ADAR: variants seen among roughly 807,000 people sequenced by gnomAD.
The protein encoded by ADAR is adenosine deaminase RNA specific, also known as double-stranded RNA-specific adenosine deaminase.
Under a neutral mutation model 113.2 loss-of-function variants are expected in ADAR, and 41 were observed. The observed-to-expected ratio is 0.36, with a 90% CI of 0.28 to 0.47. The LOEUF (loss-of-function observed/expected upper bound fraction) is 0.47, where lower values mean the gene tolerates loss of function less well. Ranked by LOEUF, ADAR falls within the 20% of genes least tolerant of loss-of-function variation. The pLI, the probability that ADAR is intolerant of heterozygous loss-of-function variation, is 1.00. For synonymous variants in ADAR, 605 were observed against 572.6 expected (o/e 1.06, Z -0.81); for missense variants, 1,242 against 1,540.9 (o/e 0.81, Z 3.25).
At chr1:154,597,027 TA>T in intron 5 of ADAR, 32 bp from the exon 6 acceptor site, 1 of 1,614,108 alleles carries the variant, frequency 6.2e-7, no homozygotes. Context: ...AGAGGAGCCA[TA>T]AACACTTCAG....
chr1:154,585,022 C>T lies in ADAR; in HGVS notation c.3465G>A (p.Arg1155=), dbSNP rs1696654651. The T allele has an allele frequency of 1.2e-6, 2 of 1,613,756 alleles. No individual in the cohort carries two copies. The highest frequency in any genetic ancestry group is 2.2e-5 in the East Asian group (1 of 44,890). Residue 1155 remains arginine, a synonymous_variant, in exon 15 of 15, where the codon CGG becomes CGA. Coordinates refer to ENST00000368474, the MANE Select transcript of ADAR (RefSeq NM_001111.5). ...GAAGAAAAATGTTCTTTTTGGAGACCCGGGACAATTCATTCCGTGGCCTAG... is the reference window on the plus strand; with the variant it reads ...GAAGAAAAATGTTCTTTTTGGAGACTCGGGACAATTCATTCCGTGGCCTAG... ...TVDGPRNELS[R]VSKKNIFLLF... is the part of the protein sequence containing the mutation.
In ADAR at chr1:154,584,638, G is replaced by A; in HGVS notation, c.*168C>T. 2.9e-6 allele frequency: 2 copies of A among 679,436 alleles called. No individual in the cohort carries two copies. Among genetic ancestry groups the A allele is most frequent in the Non-Finnish European group, 5.1e-6 (2 of 391,334 alleles). 42.1% of individuals were successfully genotyped at this position (679,436 alleles called of 1,614,324 possible). Reference sequence around the variant, plus strand: ...CCAGACCTTGCCTAGCAATCCCAAAGAAAGCAGGATAAATGGGAACCCAAA... The same window carrying A: ...CCAGACCTTGCCTAGCAATCCCAAAAAAAGCAGGATAAATGGGAACCCAAA... On this transcript the variant is annotated 3_prime_UTR_variant, in exon 15 of 15. Transcript: ENST00000368474.
Position 154,601,962 on chromosome 1 carries a change from A to G in ADAR, c.680T>C (p.Leu227Ser). ...TGTGGAGTTTCTGTCTTCCGGTTCC[A>G]AACTCGGGTCTGAGTTTGGGGCTCC... ...SQGAPNSDPSLEPEDRNSTSV... is the reference protein window; with the variant it reads ...SQGAPNSDPSSEPEDRNSTSV... Residue 227 changes from leucine to serine, a missense_variant, in exon 2 of 15, where the codon TTG (leucine) becomes TCG (serine). This residue lies in a region of ADAR where 462 missense variants were observed against 483.1 expected (regional missense o/e 0.96). Coordinates refer to ENST00000368474, the MANE Select transcript of ADAR (RefSeq NM_001111.5). The surrounding 1 kb of genome is among the most constrained non-coding windows in gnomAD (Gnocchi z 4.7). 1 of 1,614,106 alleles carries G rather than the reference A, an allele frequency of 6.2e-7. No individual in the cohort carries two copies. Among genetic ancestry groups the G allele is most frequent in the Non-Finnish European group, 8.5e-7 (1 of 1,180,012 alleles).
rs182793061 is a variant in ADAR at position 154,602,076 on chromosome 1, G to A, written c.566C>T (p.Ala189Val). 8 of 1,614,230 alleles carry A rather than the reference G, an allele frequency of 5.0e-6. No homozygotes were observed. In the Admixed American group the frequency reaches 8.3e-5, roughly 17 times the overall value. Residue 189 changes from alanine (A) to valine (V), a missense_variant, in exon 2 of 15, where the codon GCA becomes GTA. By Grantham distance (64) the Ala-to-Val change is moderately conservative. Coordinates refer to ENST00000368474, the MANE Select transcript of ADAR (RefSeq NM_001111.5). The part of the protein sequence containing the change: ...LAKKGKLQKE[A>V]GTPPLWKIAV... ...GATTTTCCACAAAGGGGGTGTTCCT[G>A]CCTCTTTCTGTAGCTTGCCCTTCTT...
At chr1:154,618,508 A>G (rs1031132896) in intron 1 of ADAR, among the ~76,000 whole-genome samples, 5 of 152,190 alleles carry the variant, frequency 3.3e-5, no homozygotes, top group Non-Finnish European at 7.3e-5. Flanking sequence ...AACAAACAAA[A>G]CAGTTTTTTA....
In ADAR at chr1:154,597,913, T is replaced by C. The variant is rs1405419983; in HGVS notation, c.1849A>G (p.Thr617Ala). The change falls in exon 4 of 15, where the codon ACC (threonine) becomes GCC (alanine). Residue 617 changes from threonine (T) to alanine (A), a missense_variant. Coordinates refer to ENST00000368474, the MANE Select transcript of ADAR (RefSeq NM_001111.5). ...TTGTGCATACACTCAAGCAGTGTGG[T>C]GACGGGGCTCTTCCCAGAAAAGAAG... ...TSFFSGKSPV[T>A]TLLECMHKLG... The C allele has an allele frequency of 6.2e-7, 1 of 1,614,142 alleles. No individual in the cohort carries two copies. The highest frequency in any genetic ancestry group is 2.2e-5 in the East Asian group (1 of 44,884).
chr1:154,601,426 T>G lies in ADAR; in HGVS notation c.1216A>C (p.Thr406Pro). 6.2e-7 allele frequency: 1 copy of G among 1,614,246 alleles called. No homozygotes were observed. The highest frequency in any genetic ancestry group is 8.5e-7 in the Non-Finnish European group (1 of 1,180,050). The change falls in exon 2 of 15, where the codon ACA becomes CCA. Residue 406 changes from threonine (T) to proline (P), a missense_variant. Transcript: ENST00000368474. This position sits in a 1 kb window ranked among gnomAD's most constrained non-coding sequence, Gnocchi z 4.7. ...TCCTGCCCATTCTCCACTTTTTCTG[T>G]GGTTACCATGTTATTTGAGGCATTT... is the stretch of plus-strand genomic sequence containing the variant. ...TSNASNNMVT[T>P]EKVENGQEPV...
At chr1:154,587,225 A>G (rs952083349) in intron 11 of ADAR, among the ~76,000 whole-genome samples, 1 of 152,228 alleles carries the variant, frequency 6.6e-6, no homozygotes, top group Non-Finnish European at 1.5e-5. Context: ...GACATTTCAT[A>G]TAAATGGAAT....
intron 11 of ADAR, among the ~76,000 whole-genome samples, chr1:154,586,617 C>G (rs1183130046): frequency 6.6e-6 from 1 of 152,202 alleles, no homozygotes; most frequent in Non-Finnish European, 1.5e-5. Flanking sequence ...AGACACTAAA[C>G]CAGTAGCCAG....
chr1:154,587,218 AT>A (rs1696819202), intron 11 of ADAR, among the ~76,000 whole-genome samples: 1 of 152,204 alleles, frequency 6.6e-6, no homozygotes, highest in African/African-American at 2.4e-5. Flanking sequence ...TATTCTGGAC[AT>A]TTCATATAAA....
intron 1 of ADAR, among the ~76,000 whole-genome samples, chr1:154,605,596 A>G (rs1351764992): frequency 6.6e-6 from 1 of 152,120 alleles, no homozygotes; most frequent in African/African-American, 2.4e-5. Flanking sequence ...GGGGTCAAGG[A>G]CTATGCTTCA....
chr1:154,596,968 C>G lies in ADAR; in HGVS notation c.2107G>C (p.Asp703His), dbSNP rs560276929. Reference protein sequence around the residue: ...QPEGMISESLDNLESMMPNKV... With the variant: ...QPEGMISESLHNLESMMPNKV... The stretch of plus-strand genomic sequence containing the variant: ...TTGGGCATCATGGATTCCAAGTTAT[C>G]AAGTGACTCTGAGATCATACCTTCA... The change falls in exon 6 of 15, where the codon GAT becomes CAT. Residue 703 changes from aspartate (D) to histidine (H), a missense_variant. Asp to His is a moderately conservative substitution (Grantham distance 81, BLOSUM62 -1). Coordinates refer to ENST00000368474, the MANE Select transcript of ADAR (RefSeq NM_001111.5). The G allele has an allele frequency of 6.9e-5, 112 of 1,614,182 alleles. 3 individuals carry two copies. In the South Asian group the frequency reaches 1.2e-3, roughly 17 times the overall value.
rs1697921275 is a variant in ADAR, at chr1:154,602,109, G to A, written c.533C>T (p.Ser178Phe). The A allele has an allele frequency of 6.2e-7, 1 of 1,614,224 alleles. No homozygotes were observed. The highest frequency in any genetic ancestry group is 1.3e-5 in the African/African-American group (1 of 75,056). The change falls in exon 2 of 15, where the codon TCC (serine) becomes TTC (phenylalanine). Residue 178 changes from serine to phenylalanine, a missense_variant. Coordinates refer to ENST00000368474, the MANE Select transcript of ADAR (RefSeq NM_001111.5). ...CTGTAGCTTGCCCTTCTTTGCCAGG[G>A]AGTATAAAACTCGATTGATTTCTTT... Reference protein sequence around the residue: ...PKKEINRVLYSLAKKGKLQKE... With the variant: ...PKKEINRVLYFLAKKGKLQKE...
At chr1:154,590,138 A>AGGGGGGGGGG in intron 7 of ADAR, 46 bp downstream of exon 7, 10 of 1,173,728 alleles carry the variant, frequency 8.5e-6, no homozygotes, top group East Asian at 2.5e-5. Context: ...AGGAGTTAGG[A>AGGGGGGGGGG]GGACCCCCCC....
At chr1:154,604,542 C>T (rs1390538077) in intron 1 of ADAR, among the ~76,000 whole-genome samples, 3 of 152,202 alleles carry the variant, frequency 2.0e-5, no homozygotes, top group African/African-American at 7.2e-5. Context: ...TTTGGGTCTT[C>T]GCTGTGTGGT....
chr1:154,593,183 A>C (rs1366129842), intron 6 of ADAR, among the ~76,000 whole-genome samples: 4 of 150,412 alleles, frequency 2.7e-5, no homozygotes, highest in Admixed American at 2.0e-4. Flanking sequence ...AAATTAGTTA[A>C]CGTCACCAGC....
chr1:154,590,405 C>G lies in ADAR; in HGVS notation c.2275G>C (p.Val759Leu). ...QSGPPHEPKF[V>L]YQAKVGGRWF... ...CGACCCCCAACTTTTGCTTGGTAAA[C>G]GAACCTTTGGGATGAGAAACAGAGA... Residue 759 changes from valine to leucine, a missense_variant, in exon 7 of 15, where the codon GTT becomes CTT. Transcript: ENST00000368474. The G allele has an allele frequency of 6.2e-7, 1 of 1,614,118 alleles. No homozygotes were observed. The highest frequency in any genetic ancestry group is 1.1e-5 in the South Asian group (1 of 91,088).
upstream of ADAR, chr1:154,608,833 G>GC (rs1698375709): frequency 1.3e-5 from 2 of 150,884 alleles, no homozygotes; most frequent in African/African-American, 4.9e-5. Context: ...TGTGGAGGGG[G>GC]GGGGGAGGGG....
chr1:154,602,198 T>C lies in ADAR; in HGVS notation c.444A>G (p.Glu148=), dbSNP rs920789513. ...DQEQRILKFL[E]ELGEGKATTA... The stretch of plus-strand genomic sequence containing the variant: ...TGGTGGCCTTCCCTTCCCCAAGCTC[T>C]TCCAGGAACTTTAAGATCCTTTGTT... The change falls in exon 2 of 15, where the codon GAA becomes GAG. Residue 148 remains glutamate (E), a synonymous_variant. Coordinates refer to ENST00000368474, the MANE Select transcript of ADAR (RefSeq NM_001111.5). 6.2e-7 allele frequency: 1 copy of C among 1,614,122 alleles called. No individual in the cohort carries two copies. The highest frequency in any genetic ancestry group is 8.5e-7 in the Non-Finnish European group (1 of 1,180,046).
Sources: gnomAD v4.1 joint callset for allele counts (sites outside exome capture counted in the v4.1 genomes callset) on GRCh38, gnomAD v4.1.1 for gene constraint, gnomAD v4.1.1 regional missense constraint, Gnocchi (gnomAD v3.1) non-coding constraint, MANE v1.5 for transcripts, NCBI Gene and HGNC (gene_info 2026-07-23, HGNC 2026-07-21) for gene names.